NAV3: variants seen among roughly 807,000 people sequenced by gnomAD.
The protein encoded by NAV3 is neuron navigator 3.
Under a neutral mutation model 244.7 loss-of-function variants are expected in NAV3, and 87 were observed. The observed-to-expected ratio is 0.36, with a 90% CI of 0.30 to 0.42. NAV3 has a LOEUF of 0.42. NAV3 is among the 20% of genes least tolerant of loss of function. The pLI, the probability that NAV3 is intolerant of heterozygous loss-of-function variation, is 1.00. For synonymous variants in NAV3, 1,126 were observed against 1,042.2 expected, an observed-to-expected ratio of 1.08 and a Z score of -1.55; for missense variants, 2,663 against 2,893.3, an observed-to-expected ratio of 0.92 and a Z score of 1.83.
chr12:77,660,473 A>G (rs1299359053), intron 2 of NAV3, among the ~76,000 whole-genome samples: 2 of 152,162 alleles, frequency 1.3e-5, no homozygotes, highest in Non-Finnish European at 1.5e-5. Flanking sequence ...CTTCATTTTT[A>G]TATTCCAAGT....
chr12:78,205,743 A>C (rs530630021), intron 39 of NAV3, among the ~76,000 whole-genome samples: 28 of 152,136 alleles, frequency 1.8e-4, no homozygotes, highest in Non-Finnish European at 3.2e-4. Flanking sequence ...GAAAAAAAAC[A>C]CTTTTTATAT....
At chr12:77,874,037 T>C (rs1344615219) in intron 1 of NAV3, among the ~76,000 whole-genome samples, 1 of 151,578 alleles carries the variant, frequency 6.6e-6, no homozygotes, top group African/African-American at 2.4e-5. Flanking sequence ...TGAACTGCGA[T>C]GTGAGGGATC....
intron 5 of NAV3, among the ~76,000 whole-genome samples, chr12:77,968,987 T>C (rs996799272): frequency 1.3e-4 from 20 of 152,220 alleles, no homozygotes; most frequent in Admixed American, 1.3e-3. Flanking sequence ...GACTACTTTC[T>C]TCTACAAATG....
At chr12:78,022,309 T>G (rs74106105) in intron 9 of NAV3, among the ~76,000 whole-genome samples, 3,396 of 152,146 alleles carry the variant, frequency 0.022, 113 homozygotes, top group African/African-American at 0.078. Context: ...ATAGATGATG[T>G]AAGAAAAAAA....
chr12:77,985,065 C>G (rs7968471), intron 5 of NAV3, among the ~76,000 whole-genome samples: 56,721 of 152,126 alleles, frequency 0.37, 11,389 homozygotes, highest in Non-Finnish European at 0.44. Context: ...ATCCAGCCAC[C>G]TAGGCCTCCC....
intron 2 of NAV3, among the ~76,000 whole-genome samples, chr12:77,654,941 C>T (rs1191429347): frequency 6.6e-6 from 1 of 151,842 alleles, no homozygotes; most frequent in Non-Finnish European, 1.5e-5. Flanking sequence ...AGGACATCCA[C>T]ACCAAAAACC....
At chr12:77,943,966 C>A (rs1890100774) in intron 3 of NAV3, among the ~76,000 whole-genome samples, 1 of 152,104 alleles carries the variant, frequency 6.6e-6, no homozygotes, top group African/African-American at 2.4e-5. Context: ...CCATAGTAGC[C>A]AGGTAATTCA....
chr12:77,663,993 C>T (rs1268466711), intron 2 of NAV3, among the ~76,000 whole-genome samples: 1 of 152,126 alleles, frequency 6.6e-6, no homozygotes, highest in Non-Finnish European at 1.5e-5. Context: ...TTGAAAAGTC[C>T]TGGTGTAGTC....
chr12:78,039,159 G>T (rs1261175009), intron 9 of NAV3, among the ~76,000 whole-genome samples: 1 of 152,090 alleles, frequency 6.6e-6, no homozygotes, highest in Admixed American at 6.6e-5. Flanking sequence ...TCCAGATAAT[G>T]AAGCATTCTG....
intron 2 of NAV3, among the ~76,000 whole-genome samples, chr12:77,701,131 T>C (rs575539910): frequency 1.6e-4 from 24 of 152,062 alleles, no homozygotes; most frequent in African/African-American, 5.3e-4. Flanking sequence ...AAGACTGATA[T>C]TGTTTCTTTC....
At chr12:77,825,687 C>T (rs1256136392) in intron 2 of NAV3, among the ~76,000 whole-genome samples, 2 of 152,032 alleles carry the variant, frequency 1.3e-5, no homozygotes, top group African/African-American at 2.4e-5. Context: ...ACATTTAGGA[C>T]CCCCACTCAC....
chr12:77,806,526 A>G (rs1200747990), intron 2 of NAV3, among the ~76,000 whole-genome samples: 1 of 152,182 alleles, frequency 6.6e-6, no homozygotes, highest in African/African-American at 2.4e-5. Flanking sequence ...CTGTTGTCTG[A>G]GAGACTGTTT....
Position 78,146,218 on chromosome 12 carries a change from C to G in NAV3, c.4684-151C>G, listed in dbSNP as rs1163524513. On this transcript the variant is annotated intron_variant, in intron 20 of 39. Coordinates refer to ENST00000397909, the MANE Select transcript of NAV3 (RefSeq NM_001024383.2). The stretch of plus-strand genomic sequence containing the variant: ...AAAATTCTAAAGTAACTTGCTTGTA[C>G]TATTTCAATTGAATAACTTAATGTA... 5.6e-5 allele frequency: 16 copies of G among 285,876 alleles called. 1 individual carries two copies. The Middle Eastern group carries it at 3.2e-3, about 57-fold the overall frequency. The allele number at this position is 285,876 out of a possible 1,614,324, so 17.7% of individuals were successfully genotyped here.
rs183631319 is a variant in NAV3, at chr12:78,119,310, T to A, written c.3114T>A (p.Pro1038=). The A allele has an allele frequency of 1.1e-4, 178 of 1,614,164 alleles. No homozygotes were observed. In the African/African-American group the frequency reaches 2.1e-3, roughly 19 times the overall value. ...PLKGSSLQRS[P]SDAGKSSGDE... ...AAGGATCATCTCTACAAAGATCTCC[T>A]TCAGATGCAGGAAAAAGCAGTGGAG... The change falls in exon 15 of 40, where the codon CCT becomes CCA. Residue 1038 remains proline (P), a synonymous_variant. Coordinates refer to ENST00000397909, the MANE Select transcript of NAV3 (RefSeq NM_001024383.2).
intron 1 of NAV3, among the ~76,000 whole-genome samples, chr12:77,873,766 ATGTATAT>A (rs1881421884): frequency 1.2e-5 from 1 of 82,396 alleles, no homozygotes; most frequent in Non-Finnish European, 2.9e-5. Context: ...ATATATATAT[ATGTATAT>A]AACAGCATAT....
chr12:78,097,815 CT>C (rs1162902830), intron 12 of NAV3, among the ~76,000 whole-genome samples: 1 of 152,028 alleles, frequency 6.6e-6, no homozygotes, highest in Non-Finnish European at 1.5e-5. Flanking sequence ...TTTATCTAAG[CT>C]TTTTTATTTT....
At chr12:77,663,076 G>C (rs1873539086) in intron 2 of NAV3, among the ~76,000 whole-genome samples, 2 of 152,128 alleles carry the variant, frequency 1.3e-5, no homozygotes. Flanking sequence ...GTAAATTACA[G>C]TCTTTAAGAA....
chr12:78,170,581 A>G (rs1158282966), intron 24 of NAV3, among the ~76,000 whole-genome samples: 1 of 151,784 alleles, frequency 6.6e-6, no homozygotes, highest in Non-Finnish European at 1.5e-5. Context: ...TCAGCATGAC[A>G]TAATCTCTCT....
intron 2 of NAV3, among the ~76,000 whole-genome samples, chr12:77,659,270 A>C (rs564412045): frequency 6.6e-6 from 1 of 151,570 alleles, no homozygotes; most frequent in Non-Finnish European, 1.5e-5. Context: ...CAAGAAAAAA[A>C]CAAACAACCC....
Sources: gnomAD v4.1 joint callset for allele counts (sites outside exome capture counted in the v4.1 genomes callset) on GRCh38, gnomAD v4.1.1 for gene constraint, MANE v1.5 for transcripts, NCBI Gene and HGNC (gene_info 2026-07-23, HGNC 2026-07-21) for gene names.